Variants in SNTG1 observed in about 807,000 individuals in gnomAD.
SNTG1 encodes syntrophin gamma 1.
A neutral mutation model predicts 74.7 loss-of-function variants in SNTG1; 39 were observed. That is an observed-to-expected ratio of 0.52 (90% CI 0.40 to 0.68). SNTG1 has a LOEUF of 0.68. Ranked by LOEUF, SNTG1 falls within the 30% of genes least tolerant of loss-of-function variation. The probability of loss-of-function intolerance (pLI) is 0.00; values close to 1 mark genes in which losing one functional copy is unlikely to be tolerated. For synonymous variants in SNTG1, 254 were observed against 217.1 expected (o/e 1.17, Z -1.49); for missense variants, 685 against 609.5 (o/e 1.12, Z -1.30).
chr8:50,249,988 A>G (rs909001039), intron 2 of SNTG1, among the ~76,000 whole-genome samples: 5 of 152,156 alleles, frequency 3.3e-5, no homozygotes, highest in African/African-American at 1.2e-4. Flanking sequence ...AAGGGTATTT[A>G]TAAAATGCTT....
intron 13 of SNTG1, among the ~76,000 whole-genome samples, chr8:50,626,958 CATCTT>C (rs1373794335): frequency 6.6e-6 from 1 of 152,112 alleles, no homozygotes; most frequent in African/African-American, 2.4e-5. Context: ...ATTAAGGTCT[CATCTT>C]ATATGTCATT....
chr8:49,956,712 T>C (rs1810209478), intron 1 of SNTG1, among the ~76,000 whole-genome samples: 1 of 152,296 alleles, frequency 6.6e-6, no homozygotes, highest in Middle Eastern at 3.4e-3. Context: ...AACAGCTATA[T>C]GAAAGGATCA....
chr8:50,545,727 C>T (rs76375556), intron 11 of SNTG1, among the ~76,000 whole-genome samples: 11,960 of 151,906 alleles, frequency 0.079, 1,031 homozygotes, highest in African/African-American at 0.22. Flanking sequence ...TCTCAAATGA[C>T]AGTAGAATTT....
In SNTG1 at chr8:49,974,023, G is replaced by A. The variant is rs180885003; in HGVS notation, c.-103+61792G>A. Among the ~76,000 whole-genome samples the A allele has an allele frequency of 6.6e-5, 10 of 152,092 alleles. No individual in the cohort carries two copies. In the East Asian group the frequency reaches 7.7e-4, roughly 12 times the overall value. ...TAGAATGTTAGGCTGTTTCCTCTTT[G>A]AATTCATTAAGAGTATTCATCATTT... is the stretch of plus-strand genomic sequence containing the variant. On this transcript the variant is annotated intron_variant, in intron 1 of 18. Transcript: ENST00000642720.
Position 50,604,190 on chromosome 8 carries a change from AG to A in SNTG1, c.849+13275del, listed in dbSNP as rs1215751525. The stretch of plus-strand genomic sequence containing the variant: ...TCCTAGCACTTTGGGAGGCTGAGGC[AG>A]GCAGATCACTTTAGCTCAGGAGTTT... On this transcript the variant is annotated intron_variant, in intron 13 of 18. Coordinates refer to ENST00000642720, the MANE Select transcript of SNTG1 (RefSeq NM_018967.5). 8.5e-5 allele frequency among the ~76,000 whole-genome samples: 13 copies of A among 152,270 alleles called. No individual in the cohort carries two copies. The East Asian group carries it at 2.3e-3, about 27-fold the overall frequency.
At chr8:50,457,584 G>T (rs573425086) in intron 8 of SNTG1, among the ~76,000 whole-genome samples, 1 of 152,094 alleles carries the variant, frequency 6.6e-6, no homozygotes, top group Non-Finnish European at 1.5e-5. Context: ...AAATCATACA[G>T]ATAAAAGAGG....
chr8:50,205,719 T>C (rs979459114), intron 2 of SNTG1, among the ~76,000 whole-genome samples: 1 of 152,224 alleles, frequency 6.6e-6, no homozygotes, highest in Non-Finnish European at 1.5e-5. Flanking sequence ...TGTAAGTCTT[T>C]AATCCATCTT....
chr8:50,138,720 T>C (rs1460402658), intron 1 of SNTG1, among the ~76,000 whole-genome samples: 2 of 151,388 alleles, frequency 1.3e-5, no homozygotes, highest in Non-Finnish European at 2.9e-5. Flanking sequence ...ATGCAGTTCA[T>C]ACTGGCTGGT....
intron 2 of SNTG1, among the ~76,000 whole-genome samples, chr8:50,331,302 T>G (rs28417739): frequency 0.065 from 9,925 of 152,128 alleles, 349 homozygotes; most frequent in African/African-American, 0.072. Flanking sequence ...TAAAGTGAAG[T>G]GTGTCTAGGA....
intron 10 of SNTG1, among the ~76,000 whole-genome samples, chr8:50,531,691 C>T (rs2094269485): frequency 6.6e-6 from 1 of 152,164 alleles, no homozygotes; most frequent in Non-Finnish European, 1.5e-5. Flanking sequence ...ACATGCCCTG[C>T]TTCCATCAGT....
intron 1 of SNTG1, among the ~76,000 whole-genome samples, chr8:49,983,947 G>GTT (rs1278812427): frequency 6.6e-6 from 1 of 151,642 alleles, no homozygotes; most frequent in Non-Finnish European, 1.5e-5. Flanking sequence ...TCATGGATGT[G>GTT]CCAGTTCAGT....
chr8:50,776,495 A>C (rs1047461124), intron 18 of SNTG1, among the ~76,000 whole-genome samples: 1 of 147,642 alleles, frequency 6.8e-6, no homozygotes, highest in African/African-American at 2.4e-5. Flanking sequence ...TTATATTTAT[A>C]ATATATAGAT....
intron 2 of SNTG1, among the ~76,000 whole-genome samples, chr8:50,234,292 C>T (rs995802134): frequency 1.3e-5 from 2 of 151,850 alleles, no homozygotes; most frequent in East Asian, 3.9e-4. Context: ...AGGAAAAAGG[C>T]TGTGTCAAAA....
rs573116526 is a variant in SNTG1, at chr8:49,972,899, C to T, written c.-103+60668C>T. ...GAGAGGATGTGGAGAAATAGGGACGCTTTTACACTGTTGGTGGGACTGTAA... is the reference window on the plus strand; with the variant it reads ...GAGAGGATGTGGAGAAATAGGGACGTTTTTACACTGTTGGTGGGACTGTAA... On this transcript the variant is annotated intron_variant, in intron 1 of 18. Transcript: ENST00000642720. Among the ~76,000 whole-genome samples the T allele has an allele frequency of 3.4e-5, 5 of 148,696 alleles. No individual in the cohort carries two copies. The South Asian group carries it at 1.1e-3, about 33-fold the overall frequency.
At chr8:50,508,053 T>A (rs987600180) in intron 9 of SNTG1, among the ~76,000 whole-genome samples, 2 of 150,230 alleles carry the variant, frequency 1.3e-5, no homozygotes, top group African/African-American at 5.0e-5. Flanking sequence ...TATCTCCTAA[T>A]GCTATCCCTC....
intron 1 of SNTG1, among the ~76,000 whole-genome samples, chr8:50,083,801 A>T (rs1822625606): frequency 6.6e-6 from 1 of 152,172 alleles, no homozygotes; most frequent in South Asian, 2.1e-4. Flanking sequence ...ATGTTTGCTT[A>T]TACTTTTCAT....
chr8:50,479,103 A>G (rs2093719367), intron 8 of SNTG1, among the ~76,000 whole-genome samples: 1 of 152,198 alleles, frequency 6.6e-6, no homozygotes, highest in South Asian at 2.1e-4. Context: ...CCAGGGATAT[A>G]CAGCTGTCAA....
In SNTG1 at chr8:50,137,845, C is replaced by A. The variant is rs1438352879; in HGVS notation, c.-102-34716C>A. Among the ~76,000 whole-genome samples, 6 of 152,090 alleles carry A rather than the reference C, an allele frequency of 3.9e-5. No individual in the cohort carries two copies. The East Asian group carries it at 1.2e-3, about 29-fold the overall frequency. ...TGGAGGCGACTGTCCAGAGATGCAG[C>A]AGCTGGGGCCACAGTGAGTGACCAA... is the stretch of plus-strand genomic sequence containing the variant. On this transcript the variant is annotated intron_variant, in intron 1 of 18. Transcript: ENST00000642720.
intron 1 of SNTG1, among the ~76,000 whole-genome samples, chr8:50,158,945 G>A (rs999126483): frequency 6.6e-6 from 1 of 152,074 alleles, no homozygotes; most frequent in East Asian, 1.9e-4. Flanking sequence ...TCTTACTAGA[G>A]TTTACAAACC....
Sources: allele counts gnomAD v4.1 joint callset (sites outside exome capture counted in the v4.1 genomes callset), GRCh38; gene constraint gnomAD v4.1.1; transcripts MANE v1.5; gene names NCBI Gene and HGNC (gene_info 2026-07-23, HGNC 2026-07-21).